The following MTERF3 variants were observed in gnomAD, a reference collection of about 807,000 sequenced individuals.
The protein encoded by MTERF3 is mitochondrial transcription termination factor 3.
MTERF3 carries 40 observed loss-of-function variants against 40.5 expected under a neutral mutation model. The ratio of observed to expected loss-of-function variants is 0.99; its 90% CI spans 0.77 to 1.29. The LOEUF (loss-of-function observed/expected upper bound fraction) is 1.29. MTERF3 is among the 50% of genes most tolerant of loss of function. MTERF3 has a pLI of 0.00. For synonymous variants in MTERF3, 158 were observed against 166.6 expected (o/e 0.95, Z 0.40); for missense variants, 452 against 478.2 (o/e 0.95, Z 0.51).
intron 7 of MTERF3, among the ~76,000 whole-genome samples, chr8:96,241,417 A>AG (rs1809927589): frequency 6.6e-6 from 1 of 151,704 alleles, no homozygotes; most frequent in Non-Finnish European, 1.5e-5. Context: ...GCAAAAAAAA[A>AG]CAAAAAAAAC....
intron 2 of MTERF3, 112 bp downstream of exon 2, chr8:96,258,245 T>C: frequency 7.0e-7 from 1 of 1,426,298 alleles, no homozygotes; most frequent in Non-Finnish European, 9.2e-7. Context: ...ATTATTCTTT[T>C]TCTTTCTTGG....
chr8:96,251,116 T>C, intron 3 of MTERF3, 21 bp from the exon 4 acceptor site: 1 of 1,539,402 alleles, frequency 6.5e-7, no homozygotes, highest in East Asian at 2.3e-5. Flanking sequence ...TTATAAATAC[T>C]GTTTGAAGAT....
At chr8:96,250,665 GAAGAAGA>G (rs1810151472) in intron 4 of MTERF3, among the ~76,000 whole-genome samples, 2 of 37,742 alleles carry the variant, frequency 5.3e-5, no homozygotes, top group African/African-American at 2.2e-4. Flanking sequence ...AGAAGAAGAA[GAAGAAGA>G]AGAAGAAGAA....
In MTERF3 at chr8:96,258,365, A is replaced by T. The variant is rs200509858; in HGVS notation, c.326T>A (p.Phe109Tyr). 14 of 1,607,684 alleles carry T rather than the reference A, an allele frequency of 8.7e-6. No individual in the cohort carries two copies. Among genetic ancestry groups the T allele is most frequent in the Non-Finnish European group, 1.1e-5 (13 of 1,175,102 alleles). The stretch of plus-strand genomic sequence containing the variant: ...TGAAAGTTCAGAATTACCTTCTAGA[A>T]ACAGCTCAGAATCAAAGCTGGATAT... ...QNISSFDSELFLEELDELPPL... is the reference protein window; with the variant it reads ...QNISSFDSELYLEELDELPPL... The change falls in exon 2 of 8, where the codon TTT becomes TAT. Residue 109 changes from phenylalanine to tyrosine, a missense_variant. By Grantham distance (22) the Phe-to-Tyr change is conservative (BLOSUM62 3). Transcript: ENST00000287025.
In MTERF3 at chr8:96,258,072, A is replaced by T. The variant is rs116478707; in HGVS notation, c.334+285T>A. On this transcript the variant is annotated intron_variant, in intron 2 of 7. Transcript: ENST00000287025. ...ATATAATTATACCCTAATAAAACTA[A>T]TTACCACTAGAAGAATTTTGTTTTA... 4.4e-3 allele frequency: 962 copies of T among 218,346 alleles called. 14 individuals carry two copies. Among genetic ancestry groups the T allele is most frequent in the African/African-American group, 0.021 (909 of 42,824 alleles). 13.5% of individuals were successfully genotyped at this position (218,346 alleles called of 1,614,324 possible).
rs1444009460 is a variant in MTERF3 at position 96,250,546 on chromosome 8, CCTAAAAATACAAAAATTAG to C, written c.677+341_677+359del. Among the ~76,000 whole-genome samples the C allele has an allele frequency of 6.9e-5, 10 of 143,904 alleles. No homozygotes were observed. In the East Asian group the frequency reaches 2.1e-3, roughly 30 times the overall value. The allele number at this position is 143,904 out of a possible 152,430, so 94.4% of individuals were successfully genotyped here. On this transcript the variant is annotated intron_variant, in intron 4 of 7. Transcript: ENST00000287025. Reference sequence around the variant, plus strand: ...GCCAATGTGGCGAAACCCCATCTCTCCTAAAAATACAAAAATTAGCCAGGCATGGTGGCCACCTGTAGTC... The same window carrying C: ...GCCAATGTGGCGAAACCCCATCTCTCCCAGGCATGGTGGCCACCTGTAGTC...
chr8:96,239,938 C>T (rs1292469026), intron 7 of MTERF3: 13 of 641,448 alleles, frequency 2.0e-5, no homozygotes, highest in Non-Finnish European at 3.3e-5. Context: ...AGATTGAGTG[C>T]TCCAGAGACA....
intron 1 of MTERF3, 96 bp from the exon 2 acceptor site, chr8:96,258,796 TA>T (rs1180214498): frequency 2.1e-6 from 2 of 940,724 alleles, no homozygotes; most frequent in African/African-American, 1.7e-5. Context: ...AACTGGAAAT[TA>T]TTTTTTTCTA....
At position 96,254,266 on chromosome 8, in the gene MTERF3, C is replaced by CT. The variant is rs543546294; in HGVS notation, c.487+2695dup. On this transcript the variant is annotated intron_variant, in intron 3 of 7. Coordinates refer to ENST00000287025, the MANE Select transcript of MTERF3 (RefSeq NM_015942.5). ...TATTCATTACCTTACATATTCATGA[C>CT]TTTTTTTTGTGGTGAGAACACTTAA... Among the ~76,000 whole-genome samples the CT allele has an allele frequency of 5.7e-4, 86 of 152,056 alleles. No individual in the cohort carries two copies. In the South Asian group the frequency reaches 0.013, roughly 24 times the overall value.
intron 7 of MTERF3, chr8:96,240,005 A>C: frequency 1.7e-6 from 1 of 579,928 alleles, no homozygotes; most frequent in South Asian, 2.2e-5. Context: ...TCACGCCTTT[A>C]GTGAGGCTGA....
intron 7 of MTERF3, among the ~76,000 whole-genome samples, chr8:96,243,103 G>A (rs1563544603): frequency 6.6e-6 from 1 of 152,166 alleles, no homozygotes; most frequent in Non-Finnish European, 1.5e-5. Flanking sequence ...TGTATGTGAA[G>A]GAACTGGACC....
At chr8:96,241,344 C>T (rs530958314) in intron 7 of MTERF3, among the ~76,000 whole-genome samples, 319 of 151,200 alleles carry the variant, frequency 2.1e-3, no homozygotes, top group African/African-American at 7.4e-3. Flanking sequence ...CGGGAGGCGG[C>T]GGTTGCACTG....
chr8:96,244,577 T>C (rs35192274), intron 6 of MTERF3, among the ~76,000 whole-genome samples: 2,690 of 151,892 alleles, frequency 0.018, 42 homozygotes, highest in Non-Finnish European at 0.028. Flanking sequence ...ATTTTTGTAT[T>C]TTTAGTAGAG....
At position 96,246,162 on chromosome 8, in the gene MTERF3, A is replaced by T. The variant is rs1016117231; in HGVS notation, c.825+145T>A. The T allele has an allele frequency of 1.0e-5, 9 of 863,874 alleles. No individual in the cohort carries two copies. The African/African-American group carries it at 1.4e-4, about 13-fold the overall frequency. 53.5% of individuals were successfully genotyped at this position (863,874 alleles called of 1,614,324 possible). On this transcript the variant is annotated intron_variant, in intron 5 of 7. Coordinates refer to ENST00000287025, the MANE Select transcript of MTERF3 (RefSeq NM_015942.5). ...TAAAATGATGGAGCTCTATGTTTAAACTAGCAGGATAATTCATTTTTGTAC... is the reference window on the plus strand; with the variant it reads ...TAAAATGATGGAGCTCTATGTTTAATCTAGCAGGATAATTCATTTTTGTAC...
At chr8:96,257,679 C>T (rs1452703107) in intron 2 of MTERF3, among the ~76,000 whole-genome samples, 1 of 152,064 alleles carries the variant, frequency 6.6e-6, no homozygotes, top group Non-Finnish European at 1.5e-5. Context: ...AAATCAAACG[C>T]AGCATGGAAG....
chr8:96,255,558 G>A (rs370475557), intron 3 of MTERF3, among the ~76,000 whole-genome samples: 116 of 151,062 alleles, frequency 7.7e-4, no homozygotes, highest in African/African-American at 2.7e-3. Flanking sequence ...AGAATCACTT[G>A]AACCTGGGAG....
At chr8:96,241,656 C>T (rs1809933089) in intron 7 of MTERF3, among the ~76,000 whole-genome samples, 1 of 152,184 alleles carries the variant, frequency 6.6e-6, no homozygotes. Flanking sequence ...GTGTTTCTCC[C>T]TTCTTTTTTT....
chr8:96,248,559 G>A lies in MTERF3; in HGVS notation c.678-2105C>T, dbSNP rs750159149. 3.3e-5 allele frequency among the ~76,000 whole-genome samples: 5 copies of A among 152,184 alleles called. No homozygotes were observed. In the South Asian group the frequency reaches 6.2e-4, roughly 19 times the overall value. On this transcript the variant is annotated intron_variant, in intron 4 of 7. Coordinates refer to ENST00000287025, the MANE Select transcript of MTERF3 (RefSeq NM_015942.5). ...AAATCCTGATAACAGTAGCTGTGTC[G>A]ATAGGTGGGTCTTGAAAGGCCAAGG... is the stretch of plus-strand genomic sequence containing the variant.
At chr8:96,257,243 A>G (rs1035209464) in intron 2 of MTERF3, 129 bp from the exon 3 acceptor site, 3 of 956,718 alleles carry the variant, frequency 3.1e-6, no homozygotes, top group Admixed American at 6.2e-5. Flanking sequence ...TTAAACATCC[A>G]AGTCCCTAAT....
Sources: allele counts gnomAD v4.1 joint callset (sites outside exome capture counted in the v4.1 genomes callset), GRCh38; gene constraint gnomAD v4.1.1; transcripts MANE v1.5; gene names NCBI Gene and HGNC (gene_info 2026-07-23, HGNC 2026-07-21).